MYBL1: variants seen among roughly 807,000 people sequenced by gnomAD.
MYBL1 encodes the protein MYB proto-oncogene like 1.
Under a neutral mutation model 96.3 loss-of-function variants are expected in MYBL1, and 17 were observed. The observed-to-expected ratio is 0.18, with a 90% CI of 0.12 to 0.26. The LOEUF (loss-of-function observed/expected upper bound fraction) is 0.26. MYBL1 is among the 10% of genes least tolerant of loss of function. The probability of loss-of-function intolerance (pLI) is 1.00; values close to 1 mark genes in which losing one functional copy is unlikely to be tolerated. For missense variants in MYBL1, 701 were observed against 882.9 expected (o/e 0.79, Z 2.61); for synonymous variants, 282 against 292.7 (o/e 0.96, Z 0.37).
At chr8:66,595,815 G>A (rs1809829423) in intron 5 of MYBL1, 58 bp from the exon 6 acceptor site, 1 of 1,141,922 alleles carries the variant, frequency 8.8e-7, no homozygotes, top group African/African-American at 1.6e-5. Context: ...TTTCAACACT[G>A]TGTTAACTTG....
intron 1 of MYBL1, among the ~76,000 whole-genome samples, chr8:66,603,433 G>C (rs749907924): frequency 1.3e-5 from 2 of 149,372 alleles, no homozygotes; most frequent in Non-Finnish European, 3.0e-5. Flanking sequence ...TACAGTAAGT[G>C]ACAAGACACT....
chr8:66,584,500 A>C (rs2129865071), intron 8 of MYBL1, among the ~76,000 whole-genome samples: 1 of 152,290 alleles, frequency 6.6e-6, no homozygotes, highest in Non-Finnish European at 1.5e-5. Context: ...TCCTCTAAAA[A>C]AACTCTTAGA....
chr8:66,580,491 G>T, intron 8 of MYBL1, 125 bp from the exon 9 acceptor site: 1 of 649,130 alleles, frequency 1.5e-6, no homozygotes, highest in Non-Finnish European at 2.6e-6. Flanking sequence ...CTCAAAATTG[G>T]TATACTTTTT....
At position 66,576,024 on chromosome 8, in the gene MYBL1, G is replaced by A. The variant is rs761681109; in HGVS notation, c.1453C>T (p.Pro485Ser). The A allele has an allele frequency of 6.2e-7, 1 of 1,612,496 alleles. No individual in the cohort carries two copies. The highest frequency in any genetic ancestry group is 8.5e-7 in the Non-Finnish European group (1 of 1,178,804). ...ALKHTPLKTL[P>S]FSPSQFFNTC... ...ACCACTACCTGTGAAGGAGAAAATGGTAGTGTTTTCAGTGGTGTATGTTTT... is the reference window on the plus strand; with the variant it reads ...ACCACTACCTGTGAAGGAGAAAATGATAGTGTTTTCAGTGGTGTATGTTTT... Residue 485 changes from proline to serine, a missense_variant, in exon 10 of 16, where the codon CCA (proline) becomes TCA (serine). By Grantham distance (74) the Pro-to-Ser change is moderately conservative. Around this residue, in one of 5 missense-constraint regions of MYBL1, gnomAD observed 396 missense variants for 407.4 expected, o/e 0.97. Coordinates refer to ENST00000522677, the MANE Select transcript of MYBL1 (RefSeq NM_001080416.4).
chr8:66,590,560 G>C (rs1809596556), intron 8 of MYBL1, among the ~76,000 whole-genome samples: 1 of 148,266 alleles, frequency 6.7e-6, no homozygotes, highest in Admixed American at 6.8e-5. Flanking sequence ...AGCCTTCTGG[G>C]TAGTTAGGAC....
At position 66,597,373 on chromosome 8, in the gene MYBL1, A is replaced by G. The variant is rs201048821; in HGVS notation, c.469T>C (p.Leu157=). The G allele has an allele frequency of 4.7e-5, 76 of 1,609,908 alleles. No individual in the cohort carries two copies. In the African/African-American group the frequency reaches 9.2e-4, roughly 19 times the overall value. ...DRIIYEAHKR[L]GNRWAEIAKL... ...GCAATTTCTGCCCAACGATTTCCCA[A>G]CCGCTTATGTGCTTCATAGATGATC... The change falls in exon 5 of 16, where the codon TTG becomes CTG. Residue 157 remains leucine (L), a synonymous_variant. Transcript: ENST00000522677.
At chr8:66,591,856 T>A (rs1809658448) in intron 8 of MYBL1, among the ~76,000 whole-genome samples, 1 of 151,978 alleles carries the variant, frequency 6.6e-6, no homozygotes. Flanking sequence ...TGTATATTTA[T>A]ATATATATAC....
chr8:66,576,218 T>C lies in MYBL1; in HGVS notation c.1259A>G (p.Asn420Ser), dbSNP rs1198327247. Residue 420 changes from asparagine to serine, a missense_variant, in exon 10 of 16, where the codon AAC becomes AGC. Around this residue, in one of 5 missense-constraint regions of MYBL1, gnomAD observed 396 missense variants for 407.4 expected, o/e 0.97. Coordinates refer to ENST00000522677, the MANE Select transcript of MYBL1 (RefSeq NM_001080416.4). ...NVSLVLEGKK[N>S]TCNGGNSEAV... Reference sequence around the variant, plus strand: ...TTCACTGTTGCCACCATTACAAGTGTTTTTTTTCCCTTCAAGTACAAGACT... The same window carrying C: ...TTCACTGTTGCCACCATTACAAGTGCTTTTTTTCCCTTCAAGTACAAGACT... The C allele has an allele frequency of 6.2e-7, 1 of 1,613,624 alleles. No individual in the cohort carries two copies. Among genetic ancestry groups the C allele is most frequent in the Non-Finnish European group, 8.5e-7 (1 of 1,179,736 alleles).
chr8:66,602,538 C>T lies in MYBL1; in HGVS notation c.21-15G>A. 1.9e-6 allele frequency: 3 copies of T among 1,550,434 alleles called. No individual in the cohort carries two copies. Among genetic ancestry groups the T allele is most frequent in the Non-Finnish European group, 2.6e-6 (3 of 1,139,350 alleles). On this transcript the variant is annotated splice_polypyrimidine_tract_variant and intron_variant, in intron 1 of 15. Coordinates refer to ENST00000522677, the MANE Select transcript of MYBL1 (RefSeq NM_001080416.4). ...CCTCATCCTCACTACAAAAAAAACA[C>T]AATTTGTGATATCAAGAATTTTATT...
intron 8 of MYBL1, among the ~76,000 whole-genome samples, chr8:66,588,767 A>G (rs1356971183): frequency 6.6e-6 from 1 of 152,018 alleles, no homozygotes; most frequent in East Asian, 1.9e-4. Context: ...CATGCCTGTA[A>G]TCCCAACACT....
chr8:66,607,352 C>T (rs1444828559), intron 1 of MYBL1, among the ~76,000 whole-genome samples: 1 of 152,144 alleles, frequency 6.6e-6, no homozygotes, highest in Non-Finnish European at 1.5e-5. Flanking sequence ...GAGCACCTAC[C>T]TTTCTTCTTT....
chr8:66,597,356 T>C lies in MYBL1; in HGVS notation c.486A>G (p.Ala162=). 6.2e-7 allele frequency: 1 copy of C among 1,606,208 alleles called. No homozygotes were observed. The highest frequency in any genetic ancestry group is 8.5e-7 in the Non-Finnish European group (1 of 1,176,058). The part of the protein sequence containing the change: ...EAHKRLGNRW[A]EIAKLLPGRT... Reference sequence around the variant, plus strand: ...TTCCTGGAAGTAGTTTGGCAATTTCTGCCCAACGATTTCCCAACCGCTTAT... The same window carrying C: ...TTCCTGGAAGTAGTTTGGCAATTTCCGCCCAACGATTTCCCAACCGCTTAT... Residue 162 remains alanine, a synonymous_variant, in exon 5 of 16, where the codon GCA becomes GCG. Transcript: ENST00000522677.
At chr8:66,575,892 A>T in intron 10 of MYBL1, 115 bp downstream of exon 10, 1 of 1,078,870 alleles carries the variant, frequency 9.3e-7, no homozygotes, top group Non-Finnish European at 1.3e-6. Flanking sequence ...GTATACATTT[A>T]AACACATTAT....
intron 12 of MYBL1, among the ~76,000 whole-genome samples, chr8:66,569,429 A>C (rs1280478498): frequency 6.6e-6 from 1 of 151,116 alleles, no homozygotes; most frequent in East Asian, 1.9e-4. Context: ...AGCTCACTGC[A>C]ACCTCTACCT....
intron 11 of MYBL1, among the ~76,000 whole-genome samples, chr8:66,572,859 T>C (rs1392206307): frequency 6.6e-6 from 1 of 152,156 alleles, no homozygotes; most frequent in African/African-American, 2.4e-5. Context: ...AAATCAAAGT[T>C]TGACACTATA....
intron 1 of MYBL1, among the ~76,000 whole-genome samples, chr8:66,611,043 T>A (rs1810507951): frequency 6.6e-6 from 1 of 152,158 alleles, no homozygotes; most frequent in African/African-American, 2.4e-5. Context: ...AAACTAACAT[T>A]AAGTTGTTTC....
At chr8:66,600,768 T>C (rs943305229) in intron 3 of MYBL1, among the ~76,000 whole-genome samples, 2 of 152,152 alleles carry the variant, frequency 1.3e-5, no homozygotes, top group African/African-American at 4.8e-5. Flanking sequence ...TATGACAATA[T>C]AGAAAAAACA....
intron 12 of MYBL1, among the ~76,000 whole-genome samples, chr8:66,568,625 T>C (rs940349691): frequency 6.6e-6 from 1 of 152,160 alleles, no homozygotes; most frequent in Non-Finnish European, 1.5e-5. Context: ...TTAATGATGG[T>C]ATTTCACCAA....
In MYBL1 at chr8:66,573,440, T is replaced by C. The variant is rs775482553; in HGVS notation, c.1537A>G (p.Ile513Val). Residue 513 changes from isoleucine (I) to valine (V), a missense_variant, in exon 11 of 16, where the codon ATT becomes GTT. By Grantham distance (29) the Ile-to-Val change is conservative. This residue lies in a region of MYBL1 where 396 missense variants were observed against 407.4 expected (regional missense o/e 0.97). Transcript: ENST00000522677. ...GTAATGAGAGCTTTCTGCCCACAAA[T>C]AGGGGTTGATGTAAATGAAGGATTT... is the stretch of plus-strand genomic sequence containing the variant. ...IENPSFTSTPICGQKALITTP... is the reference protein window; with the variant it reads ...IENPSFTSTPVCGQKALITTP... The C allele has an allele frequency of 1.3e-5, 21 of 1,612,462 alleles. No individual in the cohort carries two copies. The highest frequency in any genetic ancestry group is 6.8e-6 in the Non-Finnish European group (8 of 1,179,156).
Sources: allele counts gnomAD v4.1 joint callset (sites outside exome capture counted in the v4.1 genomes callset), GRCh38; gene constraint gnomAD v4.1.1; regional missense constraint gnomAD v4.1.1; transcripts MANE v1.5; gene names NCBI Gene and HGNC (gene_info 2026-07-23, HGNC 2026-07-21).